Variants in ANKRD44 observed in about 807,000 individuals in gnomAD.
The protein encoded by ANKRD44 is ankyrin repeat domain 44, also known as serine/threonine-protein phosphatase 6 regulatory ankyrin repeat subunit B.
In ANKRD44, 35 loss-of-function variants were observed where a neutral mutation model predicts 116.0. The observed-to-expected ratio is 0.30, with a 90% CI of 0.23 to 0.40. The LOEUF is 0.40. Ranked by LOEUF, ANKRD44 falls within the 10% of genes least tolerant of loss-of-function variation. The probability of loss-of-function intolerance (pLI) is 1.00; values close to 1 mark genes in which losing one functional copy is unlikely to be tolerated. For missense variants in ANKRD44, 1,014 were observed against 1,242.6 expected, an observed-to-expected ratio of 0.82 and a Z score of 2.77; for synonymous variants, 435 against 461.8, an observed-to-expected ratio of 0.94 and a Z score of 0.74.
chr2:196,983,020 C>T (rs1430061324), downstream of ANKRD44, among the ~76,000 whole-genome samples: 1 of 151,918 alleles, frequency 6.6e-6, no homozygotes, highest in Non-Finnish European at 1.5e-5. Context: ...CACACCAGGG[C>T]CTGTTGGTGG....
At chr2:197,165,752 T>G (rs1469127440) in intron 2 of ANKRD44, among the ~76,000 whole-genome samples, 2 of 152,188 alleles carry the variant, frequency 1.3e-5, no homozygotes, top group Non-Finnish European at 2.9e-5. Context: ...CCCTAAGACC[T>G]AAGCAATGAA....
Position 197,060,858 on chromosome 2 carries a change from C to T in ANKRD44, c.1650+17845G>A, listed in dbSNP as rs189119053. On this transcript the variant is annotated intron_variant, in intron 16 of 27. Coordinates refer to ENST00000282272, the MANE Select transcript of ANKRD44 (RefSeq NM_001195144.2). ...ATGTTGTTATAAATGGCAGGATTCCCTTCTGTTTTAAAGCTGAATGACTTC... is the reference window on the plus strand; with the variant it reads ...ATGTTGTTATAAATGGCAGGATTCCTTTCTGTTTTAAAGCTGAATGACTTC... 3.9e-3 allele frequency among the ~76,000 whole-genome samples: 596 copies of T among 152,188 alleles called. 4 individuals carry two copies. The highest frequency in any genetic ancestry group is 0.015 in the South Asian group (72 of 4,812).
intron 16 of ANKRD44, among the ~76,000 whole-genome samples, chr2:197,068,250 T>C (rs1398086725): frequency 1.5e-5 from 2 of 132,554 alleles, no homozygotes; most frequent in African/African-American, 2.8e-5. Flanking sequence ...TTGGGAGATA[T>C]ACCTAATGCT....
intron 18 of ANKRD44, 139 bp downstream of exon 18, chr2:197,013,372 G>T: frequency 2.1e-6 from 2 of 937,034 alleles, no homozygotes; most frequent in East Asian, 2.5e-5. Context: ...AAAGCATTTT[G>T]GAAGTGTGGA....
At chr2:196,967,688 C>T (rs2075683895) in intron 21 of ANKRD44, among the ~76,000 whole-genome samples, 1 of 152,170 alleles carries the variant, frequency 6.6e-6, no homozygotes, top group Admixed American at 6.6e-5. Context: ...GACTCAATTT[C>T]ATACAATGGC....
At chr2:197,278,503 CG>C (rs1559213047) in intron 1 of ANKRD44, among the ~76,000 whole-genome samples, 1 of 152,040 alleles carries the variant, frequency 6.6e-6, no homozygotes, top group Non-Finnish European at 1.5e-5. Context: ...ACTACAGGCA[CG>C]CACCACCACG....
intron 1 of ANKRD44, among the ~76,000 whole-genome samples, chr2:197,235,628 A>AG (rs528125955): frequency 1.3e-5 from 2 of 151,682 alleles, no homozygotes; most frequent in Non-Finnish European, 2.9e-5. Flanking sequence ...AAAAAAAAAA[A>AG]AAAAAGTAGT....
chr2:197,086,835 GA>G lies in ANKRD44; in HGVS notation c.1248-88del, dbSNP rs142436561. 1.8e-4 allele frequency: 219 copies of G among 1,230,922 alleles called. No homozygotes were observed. The African/African-American group carries it at 3.0e-3, about 17-fold the overall frequency. 76.2% of individuals were successfully genotyped at this position (1,230,922 alleles called of 1,614,324 possible). A position where few individuals can be genotyped will look rare whatever the true frequency, so the allele number is the denominator to read the frequency against. On this transcript the variant is annotated intron_variant, in intron 12 of 27. Coordinates refer to ENST00000282272, the MANE Select transcript of ANKRD44 (RefSeq NM_001195144.2). ...AAGAGCTATTTTCTGCAGAGTACAGGACCAGATGAAAAGATAGCTCCTGGTC... is the reference window on the plus strand; with the variant it reads ...AAGAGCTATTTTCTGCAGAGTACAGGCCAGATGAAAAGATAGCTCCTGGTC...
At chr2:197,022,830 C>T (rs1422166986) in intron 17 of ANKRD44, among the ~76,000 whole-genome samples, 1 of 152,164 alleles carries the variant, frequency 6.6e-6, no homozygotes, top group East Asian at 1.9e-4. Flanking sequence ...GAGACCCCAC[C>T]TCTTAAATAA....
intron 15 of ANKRD44, among the ~76,000 whole-genome samples, chr2:197,081,316 C>T (rs1464776209): frequency 6.6e-6 from 1 of 152,184 alleles, no homozygotes; most frequent in Non-Finnish European, 1.5e-5. Flanking sequence ...AGAACCTAAG[C>T]CTCTGAGAGG....
At chr2:196,985,949 A>G (rs951378004), downstream of ANKRD44, among the ~76,000 whole-genome samples, 10 of 152,210 alleles carry the variant, frequency 6.6e-5, no homozygotes, top group Non-Finnish European at 1.5e-4. Context: ...CTGAAGGGTA[A>G]TGGTGACAAT....
intron 1 of ANKRD44, among the ~76,000 whole-genome samples, chr2:197,300,568 G>A (rs1413576086): frequency 6.6e-6 from 1 of 152,100 alleles, no homozygotes; most frequent in East Asian, 1.9e-4. Context: ...CATGTGCAAG[G>A]CATTCAGTAT....
intron 1 of ANKRD44, among the ~76,000 whole-genome samples, chr2:197,282,909 G>A (rs1025791073): frequency 2.0e-5 from 3 of 152,212 alleles, no homozygotes; most frequent in African/African-American, 7.2e-5. Flanking sequence ...ACCTTAGTAG[G>A]CACAGAGTAC....
chr2:197,272,233 A>ATTTTGT (rs900794317), intron 1 of ANKRD44, among the ~76,000 whole-genome samples: 2 of 151,928 alleles, frequency 1.3e-5, no homozygotes, highest in South Asian at 2.1e-4. Context: ...TTTGTTTGGT[A>ATTTTGT]TTTTGTTTTT....
At chr2:197,025,944 CA>C (rs778900539) in intron 16 of ANKRD44, among the ~76,000 whole-genome samples, 10 of 148,986 alleles carry the variant, frequency 6.7e-5, no homozygotes, top group Admixed American at 1.4e-4. Context: ...GTGAGGGTGG[CA>C]GGAAAATGAC....
At chr2:196,969,335 A>AC (rs1040940669) in intron 21 of ANKRD44, among the ~76,000 whole-genome samples, 34 of 151,940 alleles carry the variant, frequency 2.2e-4, no homozygotes, top group African/African-American at 8.2e-4. Flanking sequence ...TGGTGGCAAG[A>AC]CCCTTTCTCT....
chr2:197,173,481 C>G (rs1230959242), intron 2 of ANKRD44, among the ~76,000 whole-genome samples: 2 of 152,120 alleles, frequency 1.3e-5, no homozygotes, highest in Non-Finnish European at 2.9e-5. Context: ...AAACAGACTT[C>G]CCTGACATTT....
At chr2:197,292,954 G>C (rs548631641) in intron 1 of ANKRD44, among the ~76,000 whole-genome samples, 4 of 152,214 alleles carry the variant, frequency 2.6e-5, no homozygotes, top group African/African-American at 4.8e-5. Context: ...TGGAGAAGTT[G>C]TCCCAGATCT....
chr2:196,973,066 A>G (rs1198520986), intron 21 of ANKRD44, among the ~76,000 whole-genome samples: 2 of 152,200 alleles, frequency 1.3e-5, no homozygotes, highest in African/African-American at 4.8e-5. Flanking sequence ...AGCAATTCCT[A>G]TACCCACTAC....
Sources: gnomAD v4.1 joint callset for allele counts (sites outside exome capture counted in the v4.1 genomes callset) on GRCh38, gnomAD v4.1.1 for gene constraint, MANE v1.5 for transcripts, NCBI Gene and HGNC (gene_info 2026-07-23, HGNC 2026-07-21) for gene names.